The following HDAC9 variants were observed in gnomAD, a reference collection of about 807,000 sequenced individuals.
HDAC9 encodes the protein MEF-2 interacting transcription repressor (MITR) protein.
A neutral mutation model predicts 139.4 loss-of-function variants in HDAC9; 41 were observed. That is an observed-to-expected ratio of 0.29 (90% CI 0.23 to 0.38). The LOEUF is 0.38. Ranked by LOEUF, HDAC9 falls within the 10% of genes least tolerant of loss-of-function variation. HDAC9 has a pLI of 1.00. For synonymous variants in HDAC9, 517 were observed against 476.2 expected (o/e 1.09, Z -1.12); for missense variants, 1,147 against 1,297.0 (o/e 0.88, Z 1.78).
rs139872334 is a variant in HDAC9, at chr7:18,826,006, T to C, written c.2323-3155T>C. Among the ~76,000 whole-genome samples, 7 of 151,882 alleles carry C rather than the reference T, an allele frequency of 4.6e-5. No homozygotes were observed. The East Asian group carries it at 1.4e-3, about 29-fold the overall frequency. On this transcript the variant is annotated intron_variant, in intron 17 of 25. Coordinates refer to ENST00000686413, the MANE Select transcript of HDAC9 (RefSeq NM_178425.4). ...GAATTATACAAATGTAACATGTTAG[T>C]GCGAAAAGTTTTATAAGGGATGGTA...
chr7:18,590,998 G>C (rs368058598), intron 4 of HDAC9, among the ~76,000 whole-genome samples: 161 of 152,256 alleles, frequency 1.1e-3, no homozygotes, highest in African/African-American at 3.5e-3. Context: ...AAATCAGGTC[G>C]TAGCAAAGTT....
chr7:18,486,106 G>T (rs1172078423), intron 1 of HDAC9, among the ~76,000 whole-genome samples: 1 of 152,110 alleles, frequency 6.6e-6, no homozygotes, highest in Non-Finnish European at 1.5e-5. Context: ...GAGATGGCTA[G>T]ATTTGCTTTT....
intron 2 of HDAC9, among the ~76,000 whole-genome samples, chr7:18,531,264 T>G (rs1215136687): frequency 6.6e-6 from 1 of 152,142 alleles, no homozygotes; most frequent in Non-Finnish European, 1.5e-5. Flanking sequence ...TGTGTGGATC[T>G]GAATGATTTG....
intron 17 of HDAC9, among the ~76,000 whole-genome samples, chr7:18,801,436 C>A (rs892576075): frequency 1.3e-5 from 2 of 152,128 alleles, no homozygotes; most frequent in East Asian, 3.9e-4. Flanking sequence ...TCTTGAGATA[C>A]ATCTACCTTG....
In HDAC9 at chr7:18,648,472, T is replaced by G; in HGVS notation, c.1256T>G (p.Val419Gly). The G allele has an allele frequency of 1.2e-6, 2 of 1,611,690 alleles. No homozygotes were observed. The highest frequency in any genetic ancestry group is 1.7e-6 in the Non-Finnish European group (2 of 1,178,928). ...RQQKLLVAGGVPLHPQSPLAT... is the reference protein window; with the variant it reads ...RQQKLLVAGGGPLHPQSPLAT... Reference sequence around the variant, plus strand: ...CATGTATTTTTTTTTTCAGGTGGAGTTCCCTTACATCCTCAGTCTCCCTTG... The same window carrying G: ...CATGTATTTTTTTTTTCAGGTGGAGGTCCCTTACATCCTCAGTCTCCCTTG... The change falls in exon 11 of 26, where the codon GTT becomes GGT. Residue 419 changes from valine to glycine, a missense_variant. By Grantham distance (109) the Val-to-Gly change is moderately radical (BLOSUM62 -3). This residue lies in a region of HDAC9 where 264 missense variants were observed against 273.8 expected (regional missense o/e 0.96). Coordinates refer to ENST00000686413, the MANE Select transcript of HDAC9 (RefSeq NM_178425.4).
Position 18,613,133 on chromosome 7 carries a change from T to C in HDAC9, c.665-16217T>C, listed in dbSNP as rs541000975. 8.1e-4 allele frequency among the ~76,000 whole-genome samples: 121 copies of C among 148,944 alleles called. 1 individual carries two copies. The highest frequency in any genetic ancestry group is 1.6e-3 in the Non-Finnish European group (106 of 67,360). On this transcript the variant is annotated intron_variant, in intron 6 of 25. Coordinates refer to ENST00000686413, the MANE Select transcript of HDAC9 (RefSeq NM_178425.4). ...ATATATAAGTATAATATAATAGATATATTTATAATAGACTGAATACAGTCA... is the reference window on the plus strand; with the variant it reads ...ATATATAAGTATAATATAATAGATACATTTATAATAGACTGAATACAGTCA...
At chr7:18,411,682 T>TA (rs1788567894) in intron 1 of HDAC9, among the ~76,000 whole-genome samples, 1 of 151,936 alleles carries the variant, frequency 6.6e-6, no homozygotes, top group Non-Finnish European at 1.5e-5. Flanking sequence ...GCTAGCTTTT[T>TA]AAAAAATAGT....
intron 22 of HDAC9, among the ~76,000 whole-genome samples, chr7:18,880,421 T>C (rs1799647073): frequency 6.6e-6 from 1 of 152,156 alleles, no homozygotes; most frequent in African/African-American, 2.4e-5. Context: ...TGCCCATCAA[T>C]GATTGACTGA....
At chr7:18,778,352 G>T (rs576182450) in intron 16 of HDAC9, among the ~76,000 whole-genome samples, 5 of 151,872 alleles carry the variant, frequency 3.3e-5, no homozygotes, top group Admixed American at 2.6e-4. Context: ...ACACTGAAAA[G>T]TCTCTGTCCT....
intron 1 of HDAC9, among the ~76,000 whole-genome samples, chr7:18,486,373 T>G (rs373292981): frequency 1.3e-5 from 2 of 152,278 alleles, no homozygotes; most frequent in Middle Eastern, 6.8e-3. Context: ...CTAGAAAGTA[T>G]ATGATCATAA....
intron 21 of HDAC9, among the ~76,000 whole-genome samples, chr7:18,860,708 G>T (rs1585172631): frequency 6.6e-6 from 1 of 152,270 alleles, no homozygotes; most frequent in East Asian, 1.9e-4. Context: ...AGGAAGGAAA[G>T]AGGAAGGAGT....
chr7:18,769,938 G>A (rs565415968), intron 16 of HDAC9, among the ~76,000 whole-genome samples: 42 of 152,270 alleles, frequency 2.8e-4, no homozygotes, highest in African/African-American at 7.7e-4. Context: ...GAAATACTCA[G>A]TGATCCCCAA....
chr7:18,210,729 T>G (rs1387716520), intron 2 of HDAC9, among the ~76,000 whole-genome samples: 2 of 152,210 alleles, frequency 1.3e-5, no homozygotes, highest in African/African-American at 4.8e-5. Context: ...TACTTCTAGA[T>G]TTGGACATGA....
chr7:18,195,772 C>T (rs1178325), intron 2 of HDAC9, among the ~76,000 whole-genome samples: 92,182 of 151,968 alleles, frequency 0.61, 29,864 homozygotes, highest in African/African-American at 0.86. Flanking sequence ...GCAGCCATAT[C>T]GTATATGGGC....
Position 18,996,415 on chromosome 7 carries a change from C to T in HDAC9, c.*353C>T. ...ATATTGTTAATTTCAGAAGCTATGA[C>T]AGCCAGTGAAATTTTGGGCAAAACC... On this transcript the variant is annotated 3_prime_UTR_variant, in exon 26 of 26. Transcript: ENST00000686413. 5.8e-6 allele frequency: 1 copy of T among 173,022 alleles called. No individual in the cohort carries two copies. Among genetic ancestry groups the T allele is most frequent in the Non-Finnish European group, 1.2e-5 (1 of 81,026 alleles). The allele number at this position is 173,022 out of a possible 1,614,324, so 10.7% of individuals were successfully genotyped here.
intron 1 of HDAC9, among the ~76,000 whole-genome samples, chr7:18,133,123 C>T (rs1231941796): frequency 6.6e-6 from 1 of 152,088 alleles, no homozygotes; most frequent in East Asian, 1.9e-4. Flanking sequence ...GCTCACCATC[C>T]TTAGCTTCTG....
chr7:18,418,786 T>C (rs1789338050), intron 1 of HDAC9, among the ~76,000 whole-genome samples: 1 of 152,150 alleles, frequency 6.6e-6, no homozygotes, highest in African/African-American at 2.4e-5. Flanking sequence ...TTTCTTTTCA[T>C]TCATTAACTG....
chr7:18,735,400 G>A (rs1055973835), intron 13 of HDAC9, among the ~76,000 whole-genome samples: 1 of 152,008 alleles, frequency 6.6e-6, no homozygotes, highest in South Asian at 2.1e-4. Context: ...TCCATCCTGA[G>A]TTAATTTTTG....
At chr7:18,807,078 G>T (rs1793770051) in intron 17 of HDAC9, among the ~76,000 whole-genome samples, 1 of 152,042 alleles carries the variant, frequency 6.6e-6, no homozygotes, top group African/African-American at 2.4e-5. Flanking sequence ...AAGCTTTTTG[G>T]TCCTGGGTTT....
Sources: allele counts gnomAD v4.1 joint callset (sites outside exome capture counted in the v4.1 genomes callset), GRCh38; gene constraint gnomAD v4.1.1; regional missense constraint gnomAD v4.1.1; transcripts MANE v1.5; gene names NCBI Gene and HGNC (gene_info 2026-07-23, HGNC 2026-07-21).